Variants in MAN2A1 observed in about 807,000 individuals in gnomAD.
MAN2A1 encodes mannosidase alpha class 2A member 1.
Under a neutral mutation model 142.6 loss-of-function variants are expected in MAN2A1, and 76 were observed. The ratio of observed to expected loss-of-function variants is 0.53; its 90% confidence interval spans 0.44 to 0.65. MAN2A1 has a LOEUF of 0.65. Ranked by LOEUF, MAN2A1 falls within the 30% of genes least tolerant of loss-of-function variation. The pLI is 0.00. For missense variants in MAN2A1, 1,311 were observed against 1,365.1 expected, an observed-to-expected ratio of 0.96 and a Z score of 0.62; for synonymous variants, 559 against 473.2, an observed-to-expected ratio of 1.18 and a Z score of -2.35.
At chr5:109,836,945 C>T (rs573832247) in intron 16 of MAN2A1, among the ~76,000 whole-genome samples, 4 of 151,922 alleles carry the variant, frequency 2.6e-5, no homozygotes, top group Admixed American at 6.6e-5. Flanking sequence ...ACAAATGCTA[C>T]ATTTAGCTTT....
intron 1 of MAN2A1, among the ~76,000 whole-genome samples, chr5:109,705,949 A>G (rs1427038298): frequency 6.6e-6 from 1 of 152,170 alleles, no homozygotes; most frequent in African/African-American, 2.4e-5. Context: ...CAGATATTCT[A>G]GGGTTTTCTT....
chr5:109,868,450 A>G lies in MAN2A1; in HGVS notation c.*1452A>G, dbSNP rs1048725747. The G allele has an allele frequency of 1.7e-4, 26 of 152,220 alleles. No individual in the cohort carries two copies. The highest frequency in any genetic ancestry group is 5.8e-4 in the African/African-American group (24 of 41,464). 9.4% of individuals were successfully genotyped at this position (152,220 alleles called of 1,614,324 possible). A position where few individuals can be genotyped will look rare whatever the true frequency, so the allele number is the denominator to read the frequency against. ...GAGTCTTTGAGTATGTACAGTTTTG[A>G]AAATTCTCTTTGAGATAATTGATTT... On this transcript the variant is annotated 3_prime_UTR_variant, in exon 22 of 22. Transcript: ENST00000261483.
intron 17 of MAN2A1, 121 bp downstream of exon 17, chr5:109,842,582 C>G: frequency 1.7e-6 from 1 of 595,928 alleles, no homozygotes; most frequent in East Asian, 3.2e-5. Flanking sequence ...CAAATTATAT[C>G]TAAAATAAAA....
chr5:109,840,486 A>C (rs367726741), intron 16 of MAN2A1: 3 of 480,632 alleles, frequency 6.2e-6, no homozygotes, highest in Non-Finnish European at 1.2e-5. Flanking sequence ...CGAGAATCCA[A>C]TTGGCTTGGT....
At chr5:109,826,476 A>G (rs1364691728) in intron 16 of MAN2A1, among the ~76,000 whole-genome samples, 1 of 152,164 alleles carries the variant, frequency 6.6e-6, no homozygotes, top group Non-Finnish European at 1.5e-5. Context: ...AGATACCAGA[A>G]TCACCTGAAA....
At chr5:109,826,072 A>G (rs1754751444) in intron 16 of MAN2A1, among the ~76,000 whole-genome samples, 1 of 150,704 alleles carries the variant, frequency 6.6e-6, no homozygotes, top group African/African-American at 2.4e-5. Flanking sequence ...CGCCTGGCTA[A>G]TTTTTCTATT....
rs188069667 is a variant in MAN2A1, at chr5:109,820,108, A to G, written c.2329-112A>G. 544 of 984,188 alleles carry G rather than the reference A, an allele frequency of 5.5e-4. 4 individuals carry two copies. In the Middle Eastern group the frequency reaches 7.0e-3, roughly 13 times the overall value. 61.0% of individuals were successfully genotyped at this position (984,188 alleles called of 1,614,324 possible). On this transcript the variant is annotated intron_variant, in intron 14 of 21. Transcript: ENST00000261483. ...TCCGTGGTCTGTGTGTCACTGGTCC[A>G]CCAGATAAGTACAGAAATTATTTTT... is the stretch of plus-strand genomic sequence containing the variant.
intron 4 of MAN2A1, among the ~76,000 whole-genome samples, chr5:109,737,245 C>A (rs1020488700): frequency 6.6e-6 from 1 of 151,914 alleles, no homozygotes; most frequent in Middle Eastern, 3.4e-3. Flanking sequence ...GCACCTGCCA[C>A]CATGCCTGGC....
intron 20 of MAN2A1, among the ~76,000 whole-genome samples, chr5:109,861,953 T>G (rs904815906): frequency 5.3e-5 from 8 of 152,178 alleles, no homozygotes; most frequent in Non-Finnish European, 7.4e-5. Context: ...ATAGAGATTT[T>G]CTCGTATATT....
chr5:109,736,528 T>G (rs979844474), intron 4 of MAN2A1, among the ~76,000 whole-genome samples: 1 of 151,704 alleles, frequency 6.6e-6, no homozygotes, highest in Non-Finnish European at 1.5e-5. Flanking sequence ...AAAAAAAAAG[T>G]TTTTTTTAGG....
At chr5:109,774,624 T>G (rs1459130002) in intron 7 of MAN2A1, among the ~76,000 whole-genome samples, 164 bp from the exon 8 acceptor site, 2 of 152,162 alleles carry the variant, frequency 1.3e-5, no homozygotes, top group Non-Finnish European at 2.9e-5. Context: ...TTTAAAAAAA[T>G]CTGTCTTTAA....
Position 109,820,314 on chromosome 5 carries a change from A to G in MAN2A1, c.2423A>G (p.Tyr808Cys). ...ATTAAAAGAGACAAAAGTGGTGCCT[A>G]CCTCTTCTTACCTGATGGTAATGCC... ...TTIKRDKSGA[Y>C]LFLPDGNAKP... Residue 808 changes from tyrosine (Y) to cysteine (C), a missense_variant, in exon 15 of 22, where the codon TAC (tyrosine) becomes TGC (cysteine). Tyr to Cys is a radical substitution (Grantham distance 194). Coordinates refer to ENST00000261483, the MANE Select transcript of MAN2A1 (RefSeq NM_002372.4). 6.2e-7 allele frequency: 1 copy of G among 1,613,224 alleles called. No homozygotes were observed.
Position 109,690,321 on chromosome 5 carries a change from G to T in MAN2A1, c.-97G>T, listed in dbSNP as rs898848123. 2.2e-6 allele frequency: 3 copies of T among 1,354,182 alleles called. No individual in the cohort carries two copies. Among genetic ancestry groups the T allele is most frequent in the South Asian group, 2.4e-5 (2 of 83,900 alleles). The allele number at this position is 1,354,182 out of a possible 1,614,324, so 83.9% of individuals were successfully genotyped here. Reference sequence around the variant, plus strand: ...CGAGAGCGCGGAGGTCGCGCAGCCCGGGAGAAGGGAGCCTCCGGCGGCTGC... The same window carrying T: ...CGAGAGCGCGGAGGTCGCGCAGCCCTGGAGAAGGGAGCCTCCGGCGGCTGC... On this transcript the variant is annotated 5_prime_UTR_variant, in exon 1 of 22. Transcript: ENST00000261483.
intron 12 of MAN2A1, among the ~76,000 whole-genome samples, chr5:109,814,251 A>G (rs1283194864): frequency 2.0e-5 from 3 of 152,216 alleles, no homozygotes; most frequent in Non-Finnish European, 4.4e-5. Flanking sequence ...GTAAGTGAGT[A>G]TGATATTATG....
intron 1 of MAN2A1, among the ~76,000 whole-genome samples, chr5:109,708,509 GACACACACAC>G (rs145989678): frequency 2.4e-4 from 30 of 124,606 alleles, no homozygotes; most frequent in African/African-American, 8.1e-4. Flanking sequence ...GAACTGATAG[GACACACACAC>G]ACACACACAC....
chr5:109,739,846 A>G (rs763127492), intron 4 of MAN2A1, among the ~76,000 whole-genome samples: 30 of 152,174 alleles, frequency 2.0e-4, no homozygotes, highest in Admixed American at 1.3e-3. Flanking sequence ...CCTAGCCCAG[A>G]CAAGTCAGCT....
intron 20 of MAN2A1, among the ~76,000 whole-genome samples, chr5:109,861,066 T>G (rs943304429): frequency 2.0e-5 from 3 of 152,146 alleles, no homozygotes; most frequent in Non-Finnish European, 2.9e-5. Context: ...AACTTTGGAG[T>G]CAGATGTCCT....
At chr5:109,783,910 G>C (rs972627288) in intron 9 of MAN2A1, among the ~76,000 whole-genome samples, 8 of 151,884 alleles carry the variant, frequency 5.3e-5, no homozygotes, top group South Asian at 2.1e-4. Flanking sequence ...CTGTTGCCCA[G>C]GCTGGAGTGT....
intron 12 of MAN2A1, among the ~76,000 whole-genome samples, chr5:109,814,942 GC>G (rs1392778990): frequency 2.0e-5 from 3 of 152,268 alleles, no homozygotes; most frequent in African/African-American, 7.2e-5. Context: ...GCCTAGGTAT[GC>G]CTCAGGGCTA....
Sources: gnomAD v4.1 joint callset for allele counts (sites outside exome capture counted in the v4.1 genomes callset) on GRCh38, gnomAD v4.1.1 for gene constraint, MANE v1.5 for transcripts, NCBI Gene and HGNC (gene_info 2026-07-23, HGNC 2026-07-21) for gene names.